The following CEP192 variants were observed in gnomAD, a reference collection of about 807,000 sequenced individuals.
CEP192 encodes centrosomal protein of 192 kDa.
In CEP192, 151 loss-of-function variants were observed where a neutral mutation model predicts 271.8. The ratio of observed to expected loss-of-function variants is 0.56; its 90% CI spans 0.49 to 0.64. The LOEUF (loss-of-function observed/expected upper bound fraction) is 0.64. Ranked by LOEUF, CEP192 falls within the 30% of genes least tolerant of loss-of-function variation. The pLI is 0.00. For synonymous variants in CEP192, 995 were observed against 1,076.5 expected (o/e 0.92, Z 1.48); for missense variants, 2,910 against 3,020.5 (o/e 0.96, Z 0.86).
chr18:13,095,609 C>G lies in CEP192; in HGVS notation c.6361C>G (p.Leu2121Val), dbSNP rs777817797. ...PLLSRAARPP[L>V]DQLASEEPWT... ...TCTCTCACGGGCGGCTCGCCCGCCT[C>G]TGGATCAGCTGGCCTCCGAAGAGCC... is the stretch of plus-strand genomic sequence containing the variant. Residue 2121 changes from leucine to valine, a missense_variant, in exon 35 of 45, where the codon CTG (leucine) becomes GTG (valine). Coordinates refer to ENST00000506447, the MANE Select transcript of CEP192 (RefSeq NM_032142.4). 2 of 1,614,210 alleles carry G rather than the reference C, an allele frequency of 1.2e-6. No homozygotes were observed. Among genetic ancestry groups the G allele is most frequent in the South Asian group, 2.2e-5 (2 of 91,088 alleles).
chr18:13,119,304 C>A (rs1228453131), intron 44 of CEP192, among the ~76,000 whole-genome samples: 1 of 152,176 alleles, frequency 6.6e-6, no homozygotes, highest in Non-Finnish European at 1.5e-5. Flanking sequence ...TGGTTCACAT[C>A]CCACATCTTC....
At chr18:13,067,703 A>G in intron 21 of CEP192, 128 bp from the exon 22 acceptor site, 2 of 661,572 alleles carry the variant, frequency 3.0e-6, no homozygotes, top group Non-Finnish European at 5.0e-6. Context: ...ATAGCCTGGG[A>G]AAATGTAGGT....
At position 13,005,606 on chromosome 18, in the gene CEP192, A is replaced by G. The variant is rs2033933372; in HGVS notation, c.291-2850A>G. On this transcript the variant is annotated intron_variant, in intron 3 of 44. Coordinates refer to ENST00000506447, the MANE Select transcript of CEP192 (RefSeq NM_032142.4). Reference sequence around the variant, plus strand: ...GAGGCCTGGGGAGGTGGAGTCTTAGACTCAGTGCCTGGGGAGAGGTAAGTG... The same window carrying G: ...GAGGCCTGGGGAGGTGGAGTCTTAGGCTCAGTGCCTGGGGAGAGGTAAGTG... 3.3e-5 allele frequency among the ~76,000 whole-genome samples: 5 copies of G among 152,114 alleles called. No homozygotes were observed. In the South Asian group the frequency reaches 1.0e-3, roughly 32 times the overall value.
At chr18:13,037,370 T>C in intron 12 of CEP192, 69 bp downstream of exon 12, 1 of 654,542 alleles carries the variant, frequency 1.5e-6, no homozygotes, top group South Asian at 1.8e-5. Context: ...AGGCACAGTG[T>C]TCATTTCTTT....
chr18:13,031,713 A>C (rs1173700866), intron 11 of CEP192, among the ~76,000 whole-genome samples: 1 of 152,204 alleles, frequency 6.6e-6, no homozygotes, highest in East Asian at 1.9e-4. Context: ...ATGAGACAAG[A>C]ATGCAGTACA....
At chr18:13,089,678 C>A in intron 33 of CEP192, 113 bp downstream of exon 33, 1 of 580,072 alleles carries the variant, frequency 1.7e-6, no homozygotes, top group African/African-American at 1.9e-5. Flanking sequence ...CAGTGTCAGG[C>A]AGAGTTTGAG....
At chr18:13,103,454 C>T (rs960076420) in intron 38 of CEP192, 55 bp from the exon 39 acceptor site, 5 of 1,406,586 alleles carry the variant, frequency 3.6e-6, no homozygotes, top group African/African-American at 1.4e-5. Context: ...TCACAGTCAT[C>T]TGCTTGTTCT....
At chr18:13,058,818 CAAGT>C (rs950051894) in intron 20 of CEP192, 220 of 452,766 alleles carry the variant, frequency 4.9e-4, no homozygotes, top group Middle Eastern at 6.3e-4. Flanking sequence ...CTTTTTAAGA[CAAGT>C]GAGTGTAAGG....
intron 42 of CEP192, among the ~76,000 whole-genome samples, chr18:13,114,608 T>C (rs1431812019): frequency 1.3e-5 from 2 of 152,244 alleles, no homozygotes; most frequent in Non-Finnish European, 2.9e-5. Context: ...TTCCATTAAA[T>C]GAACGTATCA....
At chr18:13,051,977 C>A (rs2036819669) in intron 17 of CEP192, among the ~76,000 whole-genome samples, 1 of 152,212 alleles carries the variant, frequency 6.6e-6, no homozygotes, top group Admixed American at 6.5e-5. Context: ...TGAATTCAAG[C>A]TAACTGGCAG....
chr18:13,056,697 G>T lies in CEP192; in HGVS notation c.4107G>T (p.Leu1369Phe), dbSNP rs752061937. Residue 1369 changes from leucine (L) to phenylalanine (F), a missense_variant and splice_region_variant, in exon 19 of 45, where the codon TTG becomes TTT. Transcript: ENST00000506447. ...GGGATTCAGGAGTGACATCAGGATT[G>T]GGTAAGATGCTTTTTCTCTATTATT... ...EPWDSGVTSG[L>F]GSVRVPEELK... 2.5e-6 allele frequency: 4 copies of T among 1,572,626 alleles called. No homozygotes were observed. In the African/African-American group the frequency reaches 5.5e-5, roughly 22 times the overall value.
At chr18:13,090,009 A>T (rs2039068574) in intron 33 of CEP192, among the ~76,000 whole-genome samples, 1 of 152,210 alleles carries the variant, frequency 6.6e-6, no homozygotes, top group South Asian at 2.1e-4. Context: ...TTTATGGAAG[A>T]TGTAGTGGTG....
At chr18:13,098,106 C>A (rs1334953849) in intron 36 of CEP192, among the ~76,000 whole-genome samples, 3 of 152,246 alleles carry the variant, frequency 2.0e-5, no homozygotes, top group Admixed American at 6.5e-5. Flanking sequence ...TCCCCCTTTT[C>A]TATTCCACAA....
chr18:13,095,110 G>T (rs1222984270), intron 34 of CEP192, among the ~76,000 whole-genome samples: 1 of 152,092 alleles, frequency 6.6e-6, no homozygotes, highest in Non-Finnish European at 1.5e-5. Context: ...TAATTCTCCT[G>T]CCTCGGCCTT....
intron 28 of CEP192, among the ~76,000 whole-genome samples, chr18:13,072,143 A>T (rs928024284): frequency 1.3e-5 from 2 of 152,162 alleles, no homozygotes; most frequent in African/African-American, 2.4e-5. Context: ...TTAGCTGCTG[A>T]TCTTCCCCAA....
intron 15 of CEP192, among the ~76,000 whole-genome samples, chr18:13,043,907 A>G (rs866866857): frequency 5.9e-5 from 9 of 152,330 alleles, no homozygotes; most frequent in Middle Eastern, 3.4e-3. Context: ...TTTATGGGGT[A>G]CATGAGATGT....
At chr18:13,100,905 C>G (rs557019966) in intron 38 of CEP192, among the ~76,000 whole-genome samples, 2 of 152,300 alleles carry the variant, frequency 1.3e-5, no homozygotes, top group East Asian at 3.9e-4. Context: ...TCAGTTTCCC[C>G]ATTTGTAAAA....
At chr18:13,068,724 A>T in intron 24 of CEP192, 128 bp from the exon 25 acceptor site, 1 of 872,700 alleles carries the variant, frequency 1.1e-6, no homozygotes, top group Non-Finnish European at 1.8e-6. Flanking sequence ...CTATTCTTTT[A>T]ACTCTTTAAA....
rs575351968 is a variant in CEP192 at position 13,046,654 on chromosome 18, T to A, written c.2068-2205T>A. On this transcript the variant is annotated intron_variant, in intron 15 of 44. Coordinates refer to ENST00000506447, the MANE Select transcript of CEP192 (RefSeq NM_032142.4). ...AATTCTTTGTTTTCTTTTAAATGTC[T>A]TATTTGGCATTCCAAGGATCACAAA... 9.1e-4 allele frequency among the ~76,000 whole-genome samples: 139 copies of A among 152,132 alleles called. 2 individuals carry two copies. The South Asian group carries it at 0.026, about 29-fold the overall frequency.
Sources: gnomAD v4.1 joint callset for allele counts (sites outside exome capture counted in the v4.1 genomes callset) on GRCh38, gnomAD v4.1.1 for gene constraint, MANE v1.5 for transcripts, NCBI Gene and HGNC (gene_info 2026-07-23, HGNC 2026-07-21) for gene names.